The following ANKRD62 variants were observed in gnomAD, a reference collection of about 807,000 sequenced individuals.
ANKRD62 encodes the protein ankyrin repeat domain-containing protein 62.
In ANKRD62, 61 loss-of-function variants were observed where a neutral mutation model predicts 98.8. The observed-to-expected ratio is 0.62, with a 90% confidence interval of 0.50 to 0.76. The LOEUF (loss-of-function observed/expected upper bound fraction) is 0.76. ANKRD62 is among the 30% of genes least tolerant of loss of function. The pLI is 0.00. For missense variants in ANKRD62, 933 were observed against 1,082.9 expected (o/e 0.86, Z 1.94); for synonymous variants, 341 against 367.9 (o/e 0.93, Z 0.84).
chr18:12,115,632 G>C lies in ANKRD62; in HGVS notation c.1240+98G>C, dbSNP rs1439735909. On this transcript the variant is annotated intron_variant, in intron 10 of 13. Coordinates refer to ENST00000587848, the MANE Select transcript of ANKRD62 (RefSeq NM_001277333.2). ...CACCATAGAACACTGATGTGTTATA[G>C]GGATGTTCATCTCGGAAATATCCTT... 4.7e-6 allele frequency: 5 copies of C among 1,065,648 alleles called. No homozygotes were observed. The South Asian group carries it at 6.3e-5, about 13-fold the overall frequency. 66.0% of individuals were successfully genotyped at this position (1,065,648 alleles called of 1,614,324 possible).
In ANKRD62 at chr18:12,126,202, G is replaced by T; in HGVS notation, c.2381G>T (p.Arg794Leu). The part of the protein sequence containing the change: ...LLYQQQCNDA[R>L]KKADNQEKTI... ...TATCAACAGCAGTGTAATGATGCTC[G>T]CAAGAAAGCTGACAATCAGGAGAAA... The change falls in exon 13 of 14, where the codon CGC becomes CTC. Residue 794 changes from arginine to leucine, a missense_variant. This residue lies in a region of ANKRD62 where 362 missense variants were observed against 434.5 expected (regional missense o/e 0.83). Coordinates refer to ENST00000587848, the MANE Select transcript of ANKRD62 (RefSeq NM_001277333.2). 1 of 1,536,036 alleles carries T rather than the reference G, an allele frequency of 6.5e-7. No homozygotes were observed. The highest frequency in any genetic ancestry group is 2.0e-5 in the Admixed American group (1 of 50,986).
chr18:12,095,129 C>T (rs1465793692), intron 1 of ANKRD62, 42 bp from the exon 2 acceptor site: 2 of 1,385,154 alleles, frequency 1.4e-6, no homozygotes, highest in Non-Finnish European at 2.0e-6. Context: ...TGTTTTGGGA[C>T]TGTGCACTAC....
the ANKRD62 span, among the ~76,000 whole-genome samples, chr18:12,171,264 A>G: frequency 2.0e-5 from 3 of 152,202 alleles, no homozygotes; most frequent in Non-Finnish European, 4.4e-5. Context: ...ATGTTTTTGC[A>G]GTGGCTGGTA....
intron 12 of ANKRD62, 51 bp from the exon 13 acceptor site, chr18:12,125,409 A>C: frequency 7.2e-7 from 1 of 1,381,816 alleles, no homozygotes; most frequent in South Asian, 1.7e-5. Context: ...AAGAAATCAT[A>C]ATATGTCATT....
downstream of ANKRD62, among the ~76,000 whole-genome samples, chr18:12,130,312 G>A (rs1473779136): frequency 6.6e-6 from 1 of 151,892 alleles, no homozygotes; most frequent in Non-Finnish European, 1.5e-5. Flanking sequence ...AAAAAATTAT[G>A]TCTGAGAATA....
At chr18:12,154,554 A>T in the ANKRD62 span, among the ~76,000 whole-genome samples, 10 of 152,280 alleles carry the variant, frequency 6.6e-5, no homozygotes, top group Non-Finnish European at 1.3e-4. Context: ...AGAAAGCTAA[A>T]AGCAGAACTA....
chr18:12,138,668 T>C, the ANKRD62 span, among the ~76,000 whole-genome samples: 1 of 152,206 alleles, frequency 6.6e-6, no homozygotes, highest in Admixed American at 6.5e-5. Flanking sequence ...CTATTATTAA[T>C]GTGTGGGAGT....
Position 12,107,452 on chromosome 18 carries a change from A to ATGGC in ANKRD62, c.1050_1053dup (p.Glu352TrpfsTer4). On this transcript the variant is annotated frameshift_variant, in exon 8 of 14. Coordinates refer to ENST00000587848, the MANE Select transcript of ANKRD62 (RefSeq NM_001277333.2). LOFTEE classifies it high-confidence loss of function. ...AATCATCAATCTCCTGGGAAGGAGA[A>ATGGC]TGGCGAGTTTGATAGGTAATCCTGT... 6.6e-7 allele frequency: 1 copy of ATGGC among 1,505,524 alleles called. No individual in the cohort carries two copies. Among genetic ancestry groups the ATGGC allele is most frequent in the Non-Finnish European group, 8.8e-7 (1 of 1,132,636 alleles). 93.3% of individuals were successfully genotyped at this position (1,505,524 alleles called of 1,614,324 possible).
intron 4 of ANKRD62, among the ~76,000 whole-genome samples, chr18:12,097,110 A>C (rs142441484): frequency 9.9e-5 from 15 of 152,174 alleles, no homozygotes; most frequent in Non-Finnish European, 2.1e-4. Flanking sequence ...GGATAATAAT[A>C]TATCCTTCCA....
the ANKRD62 span, among the ~76,000 whole-genome samples, chr18:12,141,508 T>G: frequency 2.6e-5 from 4 of 151,652 alleles, no homozygotes; most frequent in Non-Finnish European, 5.9e-5. Context: ...GTGGTGGTGG[T>G]GTTTTTTTTT....
At chr18:12,101,774 C>T (rs902789204) in intron 6 of ANKRD62, among the ~76,000 whole-genome samples, 2 of 152,170 alleles carry the variant, frequency 1.3e-5, no homozygotes, top group East Asian at 1.9e-4. Context: ...ATTAACTCAC[C>T]GCAATACAAA....
At chr18:12,159,665 C>T in the ANKRD62 span, among the ~76,000 whole-genome samples, 1 of 152,234 alleles carries the variant, frequency 6.6e-6, no homozygotes, top group Non-Finnish European at 1.5e-5. Flanking sequence ...TGCAGAGAAA[C>T]GTGATGAGTA....
chr18:12,122,527 C>A lies in ANKRD62; in HGVS notation c.1454+11C>A. 6.7e-7 allele frequency: 1 copy of A among 1,499,898 alleles called. No individual in the cohort carries two copies. Among genetic ancestry groups the A allele is most frequent in the South Asian group, 1.3e-5 (1 of 77,450 alleles). The allele number at this position is 1,499,898 out of a possible 1,614,324, so 92.9% of individuals were successfully genotyped here. ...GCTCTGTAATTTGAGGTATCACATT[C>A]TAGTTTTAAAGAAATATTTCAACTA... On this transcript the variant is annotated intron_variant, in intron 11 of 13. Transcript: ENST00000587848.
At position 12,103,168 on chromosome 18, in the gene ANKRD62, A is replaced by G. The variant is rs1466726572; in HGVS notation, c.831A>G (p.Leu277=). The G allele has an allele frequency of 7.9e-6, 11 of 1,384,302 alleles. No homozygotes were observed. The highest frequency in any genetic ancestry group is 1.0e-5 in the Non-Finnish European group (11 of 1,059,952). The allele number at this position is 1,384,302 out of a possible 1,614,324, so 85.8% of individuals were successfully genotyped here. Residue 277 remains leucine (L), a synonymous_variant, in exon 7 of 14, where the codon TTA becomes TTG. Coordinates refer to ENST00000587848, the MANE Select transcript of ANKRD62 (RefSeq NM_001277333.2). ...SLQNSNSEQD[L]EMTSEGEQER... ...TGGATTTGTGAGCAGAACAAGACTT[A>G]GAAATGACATCAGAGGGAGAGCAAG...
At chr18:12,115,674 G>A (rs1909648866) in intron 10 of ANKRD62, 140 bp downstream of exon 10, 2 of 756,374 alleles carry the variant, frequency 2.6e-6, no homozygotes, top group Non-Finnish European at 4.0e-6. Flanking sequence ...AACATAGAAT[G>A]AGAACTACTC....
the ANKRD62 span, among the ~76,000 whole-genome samples, chr18:12,173,533 T>C: frequency 6.6e-6 from 1 of 152,240 alleles, no homozygotes; most frequent in Non-Finnish European, 1.5e-5. Context: ...AATCCTGTCG[T>C]CATGATGTTA....
chr18:12,102,837 A>G, intron 6 of ANKRD62: 1 of 923,078 alleles, frequency 1.1e-6, no homozygotes. Context: ...TTATCTGTTA[A>G]TACTGGATTT....
the ANKRD62 span, among the ~76,000 whole-genome samples, chr18:12,151,780 T>C: frequency 1.2e-4 from 18 of 152,114 alleles, no homozygotes; most frequent in South Asian, 3.7e-3. Context: ...AATCCAGGGG[T>C]TGATTTTTTG....
chr18:12,131,903 C>A (rs1243357641), downstream of ANKRD62, among the ~76,000 whole-genome samples: 3 of 151,880 alleles, frequency 2.0e-5, no homozygotes, highest in Non-Finnish European at 4.4e-5. Flanking sequence ...TAAATTTATT[C>A]TTTTGTTTTT....
Sources: gnomAD v4.1 joint callset for allele counts (sites outside exome capture counted in the v4.1 genomes callset) on GRCh38, gnomAD v4.1.1 for gene constraint, gnomAD v4.1.1 regional missense constraint, MANE v1.5 for transcripts, NCBI Gene and HGNC (gene_info 2026-07-23, HGNC 2026-07-21) for gene names.